Variants in CARMIL1 observed in about 807,000 individuals in gnomAD.
CARMIL1 encodes capping protein regulator and myosin 1 linker 1.
Under a neutral mutation model 177.1 loss-of-function variants are expected in CARMIL1, and 90 were observed. That is an observed-to-expected ratio of 0.51 (90% CI 0.43 to 0.61). The LOEUF (loss-of-function observed/expected upper bound fraction) is 0.61, where lower values mean the gene tolerates loss of function less well. Among genes scored for constraint, CARMIL1 ranks in the 20% least tolerant of loss-of-function variants. The pLI, the probability that CARMIL1 is intolerant of heterozygous loss-of-function variation, is 0.00. For synonymous variants in CARMIL1, 577 were observed against 606.2 expected (o/e 0.95, Z 0.71); for missense variants, 1,380 against 1,667.0 (o/e 0.83, Z 3.00).
chr6:25,522,117 T>G (rs915182794), intron 23 of CARMIL1, among the ~76,000 whole-genome samples: 2 of 152,198 alleles, frequency 1.3e-5, no homozygotes, highest in Non-Finnish European at 2.9e-5. Context: ...TTCATTAGCT[T>G]TCCTTCCCTC....
rs36000360 is a variant in CARMIL1, at chr6:25,448,916, C to CTTT, written c.372-967_372-965dup. On this transcript the variant is annotated intron_variant, in intron 5 of 36. Transcript: ENST00000329474. ...ACATTACCACACACCAGGGATTCTT[C>CTTT]TTTTTTTTTTTTTTTTTGGAGAGTC... Among the ~76,000 whole-genome samples, 653 of 126,420 alleles carry CTTT rather than the reference C, an allele frequency of 5.2e-3. 11 individuals are homozygous for CTTT. The highest frequency in any genetic ancestry group is 0.024 in the South Asian group (94 of 4,000). 82.9% of individuals were successfully genotyped at this position (126,420 alleles called of 152,430 possible).
At chr6:25,330,954 T>C (rs968119437) in intron 2 of CARMIL1, among the ~76,000 whole-genome samples, 2 of 147,108 alleles carry the variant, frequency 1.4e-5, no homozygotes, top group Non-Finnish European at 3.0e-5. Context: ...GTAATTTTGC[T>C]AAAAGTTTCC....
At position 25,465,834 on chromosome 6, in the gene CARMIL1, T is replaced by G. The variant is rs1384900837; in HGVS notation, c.615-39T>G. ...AAATTAAGTGTCAGTGTAGCTACTG[T>G]AGGAGCACTTTCATGTACTTTGTTG... On this transcript the variant is annotated intron_variant, in intron 8 of 36. Coordinates refer to ENST00000329474, the MANE Select transcript of CARMIL1 (RefSeq NM_017640.6). The G allele has an allele frequency of 3.3e-6, 4 of 1,207,404 alleles. No individual in the cohort carries two copies. In the African/African-American group the frequency reaches 6.0e-5, roughly 18 times the overall value. 74.8% of individuals were successfully genotyped at this position (1,207,404 alleles called of 1,614,324 possible).
At chr6:25,410,759 G>A (rs946323312) in intron 2 of CARMIL1, among the ~76,000 whole-genome samples, 2 of 152,134 alleles carry the variant, frequency 1.3e-5, no homozygotes, top group Non-Finnish European at 2.9e-5. Flanking sequence ...TCTCTACTGA[G>A]TTCTGGTTGT....
intron 2 of CARMIL1, among the ~76,000 whole-genome samples, chr6:25,359,555 A>G (rs1788977421): frequency 6.6e-6 from 1 of 152,212 alleles, no homozygotes; most frequent in Non-Finnish European, 1.5e-5. Context: ...TATTTGGGGC[A>G]TGTGGGTTTG....
rs966945308 is a variant in CARMIL1 at position 25,577,631 on chromosome 6, G to T, written c.2743-3293G>T. ...TTTTTTAAAAAAAAAGTATGTCTAG[G>T]AATTACATGTTAAAAGTGGGTTTGA... On this transcript the variant is annotated intron_variant, in intron 29 of 36. Transcript: ENST00000329474. The surrounding 1 kb of genome is among the most constrained non-coding windows in gnomAD (Gnocchi z 4.5). Among the ~76,000 whole-genome samples, 2 of 151,976 alleles carry T rather than the reference G, an allele frequency of 1.3e-5. No individual in the cohort carries two copies. The highest frequency in any genetic ancestry group is 4.8e-5 in the African/African-American group (2 of 41,360).
chr6:25,383,234 A>C (rs1289518688), intron 2 of CARMIL1, among the ~76,000 whole-genome samples: 2 of 152,154 alleles, frequency 1.3e-5, no homozygotes, highest in African/African-American at 4.8e-5. Context: ...TGTTGGGAAT[A>C]AGGTAGGCTC....
intron 12 of CARMIL1, among the ~76,000 whole-genome samples, chr6:25,486,112 A>G (rs528787750): frequency 1.3e-5 from 2 of 152,336 alleles, no homozygotes; most frequent in South Asian, 2.1e-4. Flanking sequence ...AAACACTGCA[A>G]TAATAAGTAA....
Position 25,413,362 on chromosome 6 carries a change from G to A in CARMIL1, c.139-6752G>A, listed in dbSNP as rs991903223. Among the ~76,000 whole-genome samples the A allele has an allele frequency of 7.9e-5, 12 of 152,338 alleles. No homozygotes were observed. The East Asian group carries it at 1.5e-3, about 20-fold the overall frequency. ...AAGGCACTCCTGGTAATCTGCATGA[G>A]AGAATGTGGATTTAGAGAGCATGAA... On this transcript the variant is annotated intron_variant, in intron 2 of 36. Transcript: ENST00000329474.
chr6:25,544,799 A>C (rs1000750869), intron 26 of CARMIL1, among the ~76,000 whole-genome samples: 5 of 152,182 alleles, frequency 3.3e-5, no homozygotes, highest in Non-Finnish European at 7.4e-5. Context: ...ACACGCTATA[A>C]AATTTTAAAA....
At chr6:25,536,005 T>C (rs932613787) in intron 24 of CARMIL1, among the ~76,000 whole-genome samples, 3 of 152,218 alleles carry the variant, frequency 2.0e-5, no homozygotes, top group African/African-American at 7.2e-5. Flanking sequence ...ATGTAAATCC[T>C]CTCCCCTTGG....
chr6:25,343,687 C>A (rs1333678494), intron 2 of CARMIL1, among the ~76,000 whole-genome samples: 4 of 152,182 alleles, frequency 2.6e-5, no homozygotes, highest in Non-Finnish European at 4.4e-5. Flanking sequence ...GAAGCCCCTT[C>A]ACTGTGCAGT....
intron 8 of CARMIL1, among the ~76,000 whole-genome samples, chr6:25,459,305 C>T (rs1456413666): frequency 2.0e-5 from 2 of 100,204 alleles, no homozygotes; most frequent in African/African-American, 7.0e-5. Context: ...CTGTATTACC[C>T]AGCCTTGACC....
chr6:25,550,655 A>G (rs1201896341), intron 26 of CARMIL1, among the ~76,000 whole-genome samples: 1 of 152,136 alleles, frequency 6.6e-6, no homozygotes, highest in Admixed American at 6.6e-5. Flanking sequence ...GACACGCCAT[A>G]ACACTTCAGA....
chr6:25,502,108 G>A (rs1341652084), intron 17 of CARMIL1, among the ~76,000 whole-genome samples: 1 of 149,704 alleles, frequency 6.7e-6, no homozygotes, highest in Non-Finnish European at 1.5e-5. Flanking sequence ...CTATAAAGTA[G>A]AAACCAAATC....
At chr6:25,414,047 G>A (rs550909182) in intron 2 of CARMIL1, among the ~76,000 whole-genome samples, 1 of 152,168 alleles carries the variant, frequency 6.6e-6, no homozygotes, top group Non-Finnish European at 1.5e-5. Context: ...GTTTAGCAAA[G>A]GCATATTAGG....
intron 29 of CARMIL1, chr6:25,563,967 A>C: frequency 1.7e-6 from 1 of 595,286 alleles, no homozygotes; most frequent in Non-Finnish European, 2.1e-6. Context: ...GGATTAAAAA[A>C]AATGATCTGA....
intron 3 of CARMIL1, among the ~76,000 whole-genome samples, chr6:25,423,878 G>C (rs1796072801): frequency 6.6e-6 from 1 of 152,160 alleles, no homozygotes; most frequent in Non-Finnish European, 1.5e-5. Flanking sequence ...ATCTGCCTCA[G>C]CTTCTTAACT....
At chr6:25,398,072 A>G (rs370326100) in intron 2 of CARMIL1, among the ~76,000 whole-genome samples, 36 of 152,172 alleles carry the variant, frequency 2.4e-4, no homozygotes, top group African/African-American at 8.4e-4. Context: ...AAAGAATTAG[A>G]AAAGGAGCCA....
Sources: gnomAD v4.1 joint callset for allele counts (sites outside exome capture counted in the v4.1 genomes callset) on GRCh38, gnomAD v4.1.1 for gene constraint, Gnocchi (gnomAD v3.1) non-coding constraint, MANE v1.5 for transcripts, NCBI Gene and HGNC (gene_info 2026-07-23, HGNC 2026-07-21) for gene names.